The following DAB1 variants were observed in gnomAD, a reference collection of about 807,000 sequenced individuals.
DAB1 encodes disabled homolog 1.
In DAB1, 15 loss-of-function variants were observed where a neutral mutation model predicts 64.6. The ratio of observed to expected loss-of-function variants is 0.23; its 90% CI spans 0.16 to 0.36. The LOEUF is 0.36. DAB1 is among the 10% of genes least tolerant of loss of function. The pLI is 1.00. For missense variants in DAB1, 596 were observed against 706.7 expected (o/e 0.84, Z 1.78); for synonymous variants, 235 against 251.9 (o/e 0.93, Z 0.64).
At chr1:57,366,150 A>C (rs957522457) in intron 1 of DAB1, among the ~76,000 whole-genome samples, 4 of 152,172 alleles carry the variant, frequency 2.6e-5, no homozygotes, top group African/African-American at 9.7e-5. Flanking sequence ...CTCCTTCAAG[A>C]CCAAAACAGC....
intron 1 of DAB1, chr1:58,530,638 G>A: frequency 2.3e-6 from 2 of 872,752 alleles, no homozygotes; most frequent in Non-Finnish European, 4.0e-6. Flanking sequence ...GCACAAAAGT[G>A]CCAAGCTATC....
At chr1:57,818,282 A>G (rs1359583278) in intron 6 of DAB1, among the ~76,000 whole-genome samples, 1 of 152,188 alleles carries the variant, frequency 6.6e-6, no homozygotes, top group Non-Finnish European at 1.5e-5. Flanking sequence ...TATGTGCAAT[A>G]GACATGCATT....
intron 4 of DAB1, among the ~76,000 whole-genome samples, chr1:58,338,225 G>A (rs1053803154): frequency 2.6e-5 from 4 of 152,166 alleles, no homozygotes; most frequent in South Asian, 2.1e-4. Flanking sequence ...TCTCAGCTGC[G>A]TGAGAGGCAC....
At chr1:57,054,470 CTT>C (rs58175883) in intron 9 of DAB1, among the ~76,000 whole-genome samples, 242 of 69,426 alleles carry the variant, frequency 3.5e-3, no homozygotes, top group African/African-American at 0.01. Flanking sequence ...CAGGAATGTG[CTT>C]TTTTTTTTTT....
chr1:57,361,306 G>A (rs1679532555), intron 1 of DAB1, among the ~76,000 whole-genome samples: 2 of 152,224 alleles, frequency 1.3e-5, no homozygotes, highest in Middle Eastern at 6.8e-3. Flanking sequence ...AAGAGATGAA[G>A]CTGAAAATGA....
chr1:57,411,020 T>C (rs1684061574), intron 1 of DAB1, among the ~76,000 whole-genome samples: 1 of 152,102 alleles, frequency 6.6e-6, no homozygotes, highest in Admixed American at 6.5e-5. Flanking sequence ...GATCCTAAAA[T>C]AATTTGGGGA....
At chr1:58,385,813 A>C (rs1281087640) in intron 3 of DAB1, among the ~76,000 whole-genome samples, 1 of 152,216 alleles carries the variant, frequency 6.6e-6, no homozygotes, top group African/African-American at 2.4e-5. Context: ...AGTCAAATGG[A>C]GATCAAGGTA....
At chr1:57,691,818 C>A (rs536773905) in intron 6 of DAB1, among the ~76,000 whole-genome samples, 2 of 152,130 alleles carry the variant, frequency 1.3e-5, no homozygotes, top group Non-Finnish European at 2.9e-5. Context: ...AGTGAGCACT[C>A]TCAGACCCCT....
chr1:57,640,739 T>C (rs1465198359), intron 7 of DAB1, among the ~76,000 whole-genome samples: 1 of 152,210 alleles, frequency 6.6e-6, no homozygotes, highest in African/African-American at 2.4e-5. Context: ...TTGTGAGCCA[T>C]CTGGGAACAT....
At chr1:58,477,247 A>C (rs1012557665) in intron 3 of DAB1, among the ~76,000 whole-genome samples, 1 of 152,214 alleles carries the variant, frequency 6.6e-6, no homozygotes, top group African/African-American at 2.4e-5. Context: ...AAAACAAAAA[A>C]ACCTTGTAAA....
At chr1:58,432,482 G>A (rs749829723) in intron 3 of DAB1, among the ~76,000 whole-genome samples, 1 of 152,146 alleles carries the variant, frequency 6.6e-6, no homozygotes, top group African/African-American at 2.4e-5. Context: ...GAATAAATGA[G>A]TCAAGACACA....
At chr1:58,427,953 T>C (rs930921359) in intron 3 of DAB1, among the ~76,000 whole-genome samples, 4 of 152,196 alleles carry the variant, frequency 2.6e-5, no homozygotes, top group African/African-American at 9.6e-5. Context: ...TGCAAATCCA[T>C]GCCTTCATAA....
chr1:57,024,379 T>G (rs1646718351), intron 10 of DAB1, among the ~76,000 whole-genome samples: 1 of 152,132 alleles, frequency 6.6e-6, no homozygotes, highest in Non-Finnish European at 1.5e-5. Flanking sequence ...TCAGTACTCA[T>G]AATTTTGTAT....
At chr1:57,542,048 C>T (rs746893677) in intron 7 of DAB1, among the ~76,000 whole-genome samples, 2 of 152,160 alleles carry the variant, frequency 1.3e-5, no homozygotes, top group Admixed American at 6.5e-5. Flanking sequence ...GAAATATTCC[C>T]ATTTTACTAA....
chr1:57,839,865 C>A (rs1481942133), intron 1 of DAB1, among the ~76,000 whole-genome samples: 1 of 152,148 alleles, frequency 6.6e-6, no homozygotes, highest in Non-Finnish European at 1.5e-5. Context: ...AAGATCCCAG[C>A]CTTTCTGTGT....
chr1:58,257,117 CT>C (rs1255140878), intron 4 of DAB1, among the ~76,000 whole-genome samples: 2 of 152,190 alleles, frequency 1.3e-5, no homozygotes, highest in Admixed American at 6.5e-5. Context: ...CTTCCTTCTT[CT>C]CCATGAGTAT....
intron 7 of DAB1, among the ~76,000 whole-genome samples, chr1:57,546,214 CAAAG>C (rs1364462312): frequency 6.6e-6 from 1 of 151,992 alleles, no homozygotes. Flanking sequence ...GTCATGGAAA[CAAAG>C]AAAGATTGAA....
In DAB1 at chr1:57,844,030, T is replaced by A. The variant is rs1653167010; in HGVS notation, n.88-17575A>T. Among the ~76,000 whole-genome samples, 6 of 152,354 alleles carry A rather than the reference T, an allele frequency of 3.9e-5. 1 individual carries two copies. In the South Asian group the frequency reaches 1.2e-3, roughly 32 times the overall value. On this transcript the variant is annotated intron_variant and non_coding_transcript_variant, in intron 1 of 1. Coordinates refer to the DAB1 transcript ENST00000477280. The stretch of plus-strand genomic sequence containing the variant: ...TTCTGGCTGTTCCCTGAACACACTA[T>A]CTCTTTTCAATCTTACATAACTTGG...
chr1:57,333,605 A>G (rs777809254), intron 1 of DAB1, among the ~76,000 whole-genome samples: 7 of 152,228 alleles, frequency 4.6e-5, no homozygotes, highest in Non-Finnish European at 1.0e-4. Context: ...GTGGAATTAA[A>G]TTCTCAGGGA....
Sources: allele counts gnomAD v4.1 joint callset (sites outside exome capture counted in the v4.1 genomes callset), GRCh38; gene constraint gnomAD v4.1.1; transcripts MANE v1.5; gene names NCBI Gene and HGNC (gene_info 2026-07-23, HGNC 2026-07-21).